ARHGEF3: variants seen among roughly 807,000 people sequenced by gnomAD.
ARHGEF3 encodes Rho guanine nucleotide exchange factor 3.
A neutral mutation model predicts 63.2 loss-of-function variants in ARHGEF3; 28 were observed. The observed-to-expected ratio is 0.44, with a 90% CI of 0.33 to 0.61. The LOEUF (loss-of-function observed/expected upper bound fraction) is 0.61, where lower values mean the gene tolerates loss of function less well. Among genes scored for constraint, ARHGEF3 ranks in the 20% least tolerant of loss-of-function variants. The probability of loss-of-function intolerance (pLI) is 0.03; values close to 1 mark genes in which losing one functional copy is unlikely to be tolerated. For missense variants in ARHGEF3, 533 were observed against 659.3 expected (o/e 0.81, Z 2.10); for synonymous variants, 266 against 254.2 (o/e 1.05, Z -0.44).
chr3:56,737,426 C>A, intron 7 of ARHGEF3, 71 bp from the exon 8 acceptor site: 1 of 1,356,636 alleles, frequency 7.4e-7, no homozygotes, highest in Non-Finnish European at 1.0e-6. Context: ...CTTAGGGGCT[C>A]AGCCTAGAAG....
Position 56,751,284 on chromosome 3 carries a change from G to A in ARHGEF3, c.535+16C>T, listed in dbSNP as rs765145870. 4.4e-6 allele frequency: 7 copies of A among 1,601,084 alleles called. No homozygotes were observed. Among genetic ancestry groups the A allele is most frequent in the South Asian group, 1.1e-5 (1 of 90,702 alleles). ...AAGGCTACAAGTCACGACTCATCCT[G>A]GGAACAAAATTATACCTTCATGTAG... is the stretch of plus-strand genomic sequence containing the variant. On this transcript the variant is annotated intron_variant, in intron 5 of 9. Coordinates refer to ENST00000296315, the MANE Select transcript of ARHGEF3 (RefSeq NM_019555.3).
At chr3:56,947,081 A>C (rs986283164) in intron 3 of ARHGEF3, among the ~76,000 whole-genome samples, 3 of 152,234 alleles carry the variant, frequency 2.0e-5, no homozygotes, top group African/African-American at 7.2e-5. Flanking sequence ...AAATGCTGAG[A>C]GATTTTGTCA....
Position 56,732,382 on chromosome 3 carries a change from G to A in ARHGEF3, c.1084C>T (p.Arg362Ter). Reference protein sequence around the residue: ...FLFQEVLVITRAVTHNEQLCY... With the variant: ...FLFQEVLVIT The stretch of plus-strand genomic sequence containing the variant: ...AGCTGCTCATTGTGGGTGACGGCTC[G>A]AGTGATCACAAGCACTTCTTGGAAC... Residue 362 changes from arginine (R) to a stop codon, truncating the protein, a stop_gained, in exon 9 of 10, where the codon CGA (arginine) becomes TGA (stop). Coordinates refer to ENST00000296315, the MANE Select transcript of ARHGEF3 (RefSeq NM_019555.3). LOFTEE classifies it high-confidence loss of function. The A allele has an allele frequency of 3.7e-6, 6 of 1,614,130 alleles. No individual in the cohort carries two copies. The highest frequency in any genetic ancestry group is 5.1e-6 in the Non-Finnish European group (6 of 1,180,036).
At chr3:56,732,192 C>T (rs1327237958) in intron 9 of ARHGEF3, 46 bp downstream of exon 9, 5 of 1,607,426 alleles carry the variant, frequency 3.1e-6, no homozygotes, top group Non-Finnish European at 4.2e-6. Context: ...TCCAAACTAC[C>T]ACGGCCAAAA....
chr3:56,825,351 T>A (rs1454770863), intron 4 of ARHGEF3, among the ~76,000 whole-genome samples: 1 of 152,224 alleles, frequency 6.6e-6, no homozygotes, highest in African/African-American at 2.4e-5. Context: ...AAAATGACGT[T>A]CACAAAAGCA....
chr3:56,864,987 G>T (rs2108203741), intron 4 of ARHGEF3, among the ~76,000 whole-genome samples: 1 of 152,204 alleles, frequency 6.6e-6, no homozygotes, highest in Non-Finnish European at 1.5e-5. Context: ...TCTTTACTGT[G>T]GTATACTGGG....
chr3:56,836,354 T>C (rs1329774614), intron 4 of ARHGEF3, among the ~76,000 whole-genome samples: 1 of 152,160 alleles, frequency 6.6e-6, no homozygotes, highest in Non-Finnish European at 1.5e-5. Flanking sequence ...CTTTGGGAAA[T>C]GGGATATAGT....
chr3:56,978,751 C>T (rs1411063685), intron 2 of ARHGEF3, among the ~76,000 whole-genome samples: 1 of 152,092 alleles, frequency 6.6e-6, no homozygotes, highest in African/African-American at 2.4e-5. Context: ...ATTAATTGGA[C>T]AAAATAACCA....
intron 2 of ARHGEF3, among the ~76,000 whole-genome samples, chr3:56,965,636 A>C (rs1323353571): frequency 6.6e-6 from 1 of 150,968 alleles, no homozygotes; most frequent in Non-Finnish European, 1.5e-5. Flanking sequence ...GATTAAATGA[A>C]ACTACATTCT....
At chr3:57,025,119 G>A (rs908992162) in intron 2 of ARHGEF3, among the ~76,000 whole-genome samples, 5 of 152,180 alleles carry the variant, frequency 3.3e-5, no homozygotes, top group Non-Finnish European at 7.4e-5. Flanking sequence ...GCCATGGAGG[G>A]CAAAAATAAA....
chr3:57,008,147 A>G (rs2171505), intron 2 of ARHGEF3, among the ~76,000 whole-genome samples: 144,218 of 152,156 alleles, frequency 0.95, 68,774 homozygotes, highest in East Asian at 1. Flanking sequence ...GAGCCACGCT[A>G]CATGTACTTT....
chr3:56,838,065 T>G (rs930461994), intron 4 of ARHGEF3, among the ~76,000 whole-genome samples: 21 of 152,214 alleles, frequency 1.4e-4, no homozygotes, highest in African/African-American at 5.1e-4. Flanking sequence ...AAATACCTAT[T>G]TTTTAAAAAT....
At chr3:56,739,009 C>G (rs1029281445) in intron 7 of ARHGEF3, among the ~76,000 whole-genome samples, 1 of 152,042 alleles carries the variant, frequency 6.6e-6, no homozygotes. Context: ...GTGGGAAAAT[C>G]GCTTGAACCT....
intron 1 of ARHGEF3, among the ~76,000 whole-genome samples, chr3:57,063,398 G>T (rs1195797226): frequency 6.6e-6 from 1 of 152,154 alleles, no homozygotes; most frequent in Non-Finnish European, 1.5e-5. Context: ...TCTGAGTTGA[G>T]AACAAGCTGA....
intron 8 of ARHGEF3, 151 bp from the exon 9 acceptor site, chr3:56,732,575 T>C (rs2033250904): frequency 1.2e-6 from 1 of 864,294 alleles, no homozygotes; most frequent in Non-Finnish European, 1.8e-6. Context: ...AGAACCAAAG[T>C]TGGGCATGTT....
rs1037253914 is a variant in ARHGEF3 at position 56,753,691 on chromosome 3, C to G, written c.376-125G>C. 4 of 797,476 alleles carry G rather than the reference C, an allele frequency of 5.0e-6. No homozygotes were observed. In the African/African-American group the frequency reaches 6.9e-5, roughly 14 times the overall value. 49.4% of individuals were successfully genotyped at this position (797,476 alleles called of 1,614,324 possible). A position where few individuals can be genotyped will look rare whatever the true frequency, so the allele number is the denominator to read the frequency against. ...ATTTAAGTATTTTAAGTTACGTTAACCTGAAGCAAATGCATCTATGCTTAA... is the reference window on the plus strand; with the variant it reads ...ATTTAAGTATTTTAAGTTACGTTAAGCTGAAGCAAATGCATCTATGCTTAA... On this transcript the variant is annotated intron_variant, in intron 3 of 9. Transcript: ENST00000296315.
At chr3:56,920,727 C>A (rs1442503077) in intron 3 of ARHGEF3, among the ~76,000 whole-genome samples, 2 of 151,714 alleles carry the variant, frequency 1.3e-5, no homozygotes, top group African/African-American at 4.9e-5. Flanking sequence ...TAAAATTCCA[C>A]AAACTGAATT....
At chr3:57,058,353 T>C (rs918471047) in intron 1 of ARHGEF3, among the ~76,000 whole-genome samples, 5 of 152,228 alleles carry the variant, frequency 3.3e-5, no homozygotes, top group African/African-American at 1.2e-4. Flanking sequence ...GACAAAACTG[T>C]CATAGACTGT....
At chr3:56,819,814 T>C (rs1056907196) in intron 4 of ARHGEF3, among the ~76,000 whole-genome samples, 1 of 151,344 alleles carries the variant, frequency 6.6e-6, no homozygotes, top group African/African-American at 2.4e-5. Flanking sequence ...AGCCACTGCA[T>C]CTGGTGCAAC....
Sources: allele counts gnomAD v4.1 joint callset (sites outside exome capture counted in the v4.1 genomes callset), GRCh38; gene constraint gnomAD v4.1.1; transcripts MANE v1.5; gene names NCBI Gene and HGNC (gene_info 2026-07-23, HGNC 2026-07-21).